ZFPM2: variants seen among roughly 807,000 people sequenced by gnomAD.
The protein encoded by ZFPM2 is zinc finger protein ZFPM2.
A neutral mutation model predicts 98.6 loss-of-function variants in ZFPM2; 20 were observed. The observed-to-expected ratio is 0.20, with a 90% CI of 0.14 to 0.29. ZFPM2 has a LOEUF of 0.29. Ranked by LOEUF, ZFPM2 falls within the 10% of genes least tolerant of loss-of-function variation. The pLI is 1.00. For synonymous variants in ZFPM2, 518 were observed against 502.7 expected (o/e 1.03, Z -0.41); for missense variants, 1,310 against 1,388.6 (o/e 0.94, Z 0.90).
intron 5 of ZFPM2, among the ~76,000 whole-genome samples, chr8:105,681,735 G>A (rs765578452): frequency 6.6e-6 from 1 of 152,056 alleles, no homozygotes; most frequent in Non-Finnish European, 1.5e-5. Context: ...AATAAGTAGT[G>A]TCAGAATATA....
In ZFPM2 at chr8:105,413,480, C is replaced by T. The variant is rs1811617388; in HGVS notation, c.41-5664C>T. Among the ~76,000 whole-genome samples, 2 of 120,506 alleles carry T rather than the reference C, an allele frequency of 1.7e-5. 1 individual carries two copies. The highest frequency in any genetic ancestry group is 5.2e-4 in the South Asian group (2 of 3,830). The allele number at this position is 120,506 out of a possible 152,430, so 79.1% of individuals were successfully genotyped here. A position where few individuals can be genotyped will look rare whatever the true frequency, so the allele number is the denominator to read the frequency against. On this transcript the variant is annotated intron_variant, in intron 1 of 7. Transcript: ENST00000407775. Reference sequence around the variant, plus strand: ...CTCGATTATGATGTCACAATTCAAACATTATATATATATATATATATATAT... The same window carrying T: ...CTCGATTATGATGTCACAATTCAAATATTATATATATATATATATATATAT...
chr8:105,658,277 C>T (rs1817322502), intron 5 of ZFPM2, among the ~76,000 whole-genome samples: 1 of 151,990 alleles, frequency 6.6e-6, no homozygotes, highest in East Asian at 1.9e-4. Context: ...TCTTATTGAC[C>T]CCAGTCAGTC....
intron 3 of ZFPM2, among the ~76,000 whole-genome samples, chr8:105,475,899 G>C (rs1357368464): frequency 6.6e-6 from 1 of 152,098 alleles, no homozygotes. Flanking sequence ...TTAAGAAAGT[G>C]GTGCTCAAAA....
chr8:105,480,109 C>G (rs1439113710), intron 3 of ZFPM2, among the ~76,000 whole-genome samples: 2 of 152,050 alleles, frequency 1.3e-5, no homozygotes, highest in Non-Finnish European at 2.9e-5. Flanking sequence ...TGTTTTCTTG[C>G]CATTGCTTTT....
At chr8:105,347,066 T>C (rs1812551568) in intron 1 of ZFPM2, among the ~76,000 whole-genome samples, 1 of 152,176 alleles carries the variant, frequency 6.6e-6, no homozygotes, top group African/African-American at 2.4e-5. Context: ...GTTTGGCCTT[T>C]AGTTCTCTTA....
chr8:105,408,855 C>T (rs1383589), intron 1 of ZFPM2, among the ~76,000 whole-genome samples: 39,688 of 151,702 alleles, frequency 0.26, 5,511 homozygotes, highest in African/African-American at 0.33. Flanking sequence ...TCGTTGCCCT[C>T]ACTTTGACTA....
chr8:105,419,083 G>A, intron 1 of ZFPM2, 61 bp from the exon 2 acceptor site: 1 of 1,542,398 alleles, frequency 6.5e-7, no homozygotes, highest in Non-Finnish European at 8.8e-7. Context: ...TCTATTTAAG[G>A]ATTTTATTTC....
At chr8:105,574,798 G>A (rs1586472939) in intron 4 of ZFPM2, among the ~76,000 whole-genome samples, 1 of 151,014 alleles carries the variant, frequency 6.6e-6, no homozygotes, top group East Asian at 1.9e-4. Flanking sequence ...CTCGGATGCG[G>A]CATTACCACC....
At chr8:105,343,240 G>T (rs988404962) in intron 1 of ZFPM2, among the ~76,000 whole-genome samples, 16 of 152,130 alleles carry the variant, frequency 1.1e-4, no homozygotes, top group African/African-American at 3.9e-4. Context: ...AGTTAACTGA[G>T]TCTTCAGTGG....
At chr8:105,336,098 A>G (rs1464353104) in intron 1 of ZFPM2, among the ~76,000 whole-genome samples, 1 of 151,852 alleles carries the variant, frequency 6.6e-6, no homozygotes, top group Admixed American at 6.6e-5. Flanking sequence ...GAATTATACA[A>G]TCATTCTTTA....
intron 4 of ZFPM2, among the ~76,000 whole-genome samples, chr8:105,597,587 G>A (rs1331464292): frequency 1.3e-5 from 2 of 151,878 alleles, no homozygotes; most frequent in African/African-American, 4.8e-5. Context: ...TTATGTTGAA[G>A]CCATTTTCAA....
intron 3 of ZFPM2, among the ~76,000 whole-genome samples, chr8:105,537,181 C>A (rs544700861): frequency 1.2e-3 from 175 of 151,190 alleles, no homozygotes; most frequent in South Asian, 3.4e-3. Flanking sequence ...CCCAGTCGTG[C>A]CAGTGATTAA....
intron 1 of ZFPM2, among the ~76,000 whole-genome samples, chr8:105,369,115 T>A (rs1034176919): frequency 6.6e-6 from 1 of 152,194 alleles, no homozygotes; most frequent in African/African-American, 2.4e-5. Context: ...CATTAGGTTA[T>A]TTCTAGATAA....
intron 5 of ZFPM2, among the ~76,000 whole-genome samples, chr8:105,681,945 T>C (rs1352100667): frequency 6.6e-6 from 1 of 152,124 alleles, no homozygotes; most frequent in African/African-American, 2.4e-5. Flanking sequence ...CAGTCACTGC[T>C]CTATCTCCAT....
At chr8:105,377,618 A>G (rs1369601587) in intron 1 of ZFPM2, among the ~76,000 whole-genome samples, 1 of 148,040 alleles carries the variant, frequency 6.8e-6, no homozygotes, top group East Asian at 2.0e-4. Flanking sequence ...AAAAAAAAAA[A>G]AAAAAAAAAA....
intron 5 of ZFPM2, among the ~76,000 whole-genome samples, chr8:105,716,498 A>G (rs1277542911): frequency 6.6e-6 from 1 of 151,960 alleles, no homozygotes; most frequent in African/African-American, 2.4e-5. Context: ...TATGATTCAC[A>G]CTGTATGTGA....
chr8:105,421,864 C>T (rs537119244), intron 2 of ZFPM2, among the ~76,000 whole-genome samples: 8 of 150,980 alleles, frequency 5.3e-5, no homozygotes, highest in Non-Finnish European at 1.0e-4. Flanking sequence ...CTGGCCAACA[C>T]GGCGAAACCC....
intron 5 of ZFPM2, among the ~76,000 whole-genome samples, chr8:105,706,789 A>T (rs1344217326): frequency 1.3e-5 from 2 of 152,092 alleles, no homozygotes; most frequent in Non-Finnish European, 2.9e-5. Flanking sequence ...CATGTTGGCC[A>T]GGCTGATCTT....
At chr8:105,653,483 T>G (rs1817220646) in intron 5 of ZFPM2, among the ~76,000 whole-genome samples, 1 of 152,216 alleles carries the variant, frequency 6.6e-6, no homozygotes, top group Non-Finnish European at 1.5e-5. Flanking sequence ...GTCTTACTAC[T>G]TAACACATAA....
Sources: gnomAD v4.1 joint callset for allele counts (sites outside exome capture counted in the v4.1 genomes callset) on GRCh38, gnomAD v4.1.1 for gene constraint, MANE v1.5 for transcripts, NCBI Gene and HGNC (gene_info 2026-07-23, HGNC 2026-07-21) for gene names.